Variants in OTUD7A observed in about 807,000 individuals in gnomAD.
The protein encoded by OTUD7A is OTU deubiquitinase 7A, also known as OTU domain-containing protein 7A.
Under a neutral mutation model 65.7 loss-of-function variants are expected in OTUD7A, and 12 were observed. The ratio of observed to expected loss-of-function variants is 0.18; its 90% confidence interval spans 0.12 to 0.30. The LOEUF (loss-of-function observed/expected upper bound fraction) is 0.30. Ranked by LOEUF, OTUD7A falls within the 10% of genes least tolerant of loss-of-function variation. The probability of loss-of-function intolerance (pLI) is 1.00; values close to 1 mark genes in which losing one functional copy is unlikely to be tolerated. For missense variants in OTUD7A, 1,148 were observed against 1,304.8 expected, an observed-to-expected ratio of 0.88 and a Z score of 1.85; for synonymous variants, 641 against 586.3, an observed-to-expected ratio of 1.09 and a Z score of -1.35.
At chr15:31,639,675 T>C (rs1166907784) in intron 3 of OTUD7A, among the ~76,000 whole-genome samples, 1 of 151,932 alleles carries the variant, frequency 6.6e-6, no homozygotes, top group East Asian at 1.9e-4. Flanking sequence ...TTGCTGAGAT[T>C]TGGTATGCTC....
At chr15:31,601,632 G>C (rs1595644997) in intron 3 of OTUD7A, among the ~76,000 whole-genome samples, 1 of 151,968 alleles carries the variant, frequency 6.6e-6, no homozygotes, top group Admixed American at 6.6e-5. Context: ...AGGAGATAGA[G>C]ACACAAAAAA....
chr15:31,796,040 A>G (rs915738053), intron 1 of OTUD7A, among the ~76,000 whole-genome samples: 2 of 152,146 alleles, frequency 1.3e-5, no homozygotes, highest in African/African-American at 4.8e-5. Context: ...GGAGAGATGC[A>G]CTAGAAGCAG....
intron 1 of OTUD7A, among the ~76,000 whole-genome samples, chr15:31,807,913 A>G (rs956105069): frequency 3.3e-5 from 5 of 151,970 alleles, no homozygotes; most frequent in African/African-American, 1.2e-4. Flanking sequence ...GCTGTTACCA[A>G]TATGCTGTTT....
chr15:31,589,147 GTA>G lies in OTUD7A; in HGVS notation c.152-18952_152-18951del, dbSNP rs555238092. On this transcript the variant is annotated intron_variant, in intron 3 of 12. Transcript: ENST00000307050. The stretch of plus-strand genomic sequence containing the variant: ...GATGTATGCTACAAATCCTGTGTAT[GTA>G]TACATATACATACACGCATATTACA... 1.1e-3 allele frequency among the ~76,000 whole-genome samples: 170 copies of G among 152,090 alleles called. No homozygotes were observed. In the East Asian group the frequency reaches 0.023, roughly 21 times the overall value.
At chr15:31,820,623 T>C (rs1449900326) in intron 1 of OTUD7A, among the ~76,000 whole-genome samples, 1 of 152,222 alleles carries the variant, frequency 6.6e-6, no homozygotes, top group Non-Finnish European at 1.5e-5. Flanking sequence ...CATAGAAAAC[T>C]GGCCCCACCA....
intron 3 of OTUD7A, among the ~76,000 whole-genome samples, chr15:31,636,300 A>G (rs1029044639): frequency 2.0e-5 from 3 of 152,206 alleles, no homozygotes; most frequent in African/African-American, 7.2e-5. Context: ...CATTAGGATT[A>G]TATCTGTTAT....
At chr15:31,573,035 T>A (rs1889099167) in intron 3 of OTUD7A, among the ~76,000 whole-genome samples, 1 of 152,168 alleles carries the variant, frequency 6.6e-6, no homozygotes, top group Admixed American at 6.5e-5. Context: ...AAGGGCACAC[T>A]GTATATAAGG....
chr15:31,834,085 C>T (rs1896998600), intron 1 of OTUD7A, among the ~76,000 whole-genome samples: 1 of 152,230 alleles, frequency 6.6e-6, no homozygotes. Context: ...GAGTAATATT[C>T]TTTAGCTTTT....
rs192093023 is a variant in OTUD7A at position 31,477,250 on chromosome 15, C to T, written c.*6044G>A. The T allele has an allele frequency of 2.0e-5, 3 of 152,478 alleles. No individual in the cohort carries two copies. The East Asian group carries it at 5.8e-4, about 29-fold the overall frequency. 9.4% of individuals were successfully genotyped at this position (152,478 alleles called of 1,614,324 possible). A position where few individuals can be genotyped will look rare whatever the true frequency, so the allele number is the denominator to read the frequency against. The stretch of plus-strand genomic sequence containing the variant: ...GTGGACTTTCCCTGGGCTGGGCCAT[C>T]TGCTGCCACCCGTGTTGAACTGGGA... On this transcript the variant is annotated 3_prime_UTR_variant, in exon 13 of 13. Coordinates refer to ENST00000307050, the MANE Select transcript of OTUD7A (RefSeq NM_001382637.1).
chr15:31,715,696 A>G (rs1351693684), intron 1 of OTUD7A, among the ~76,000 whole-genome samples: 1 of 115,718 alleles, frequency 8.6e-6, no homozygotes, highest in East Asian at 2.7e-4. Context: ...TACACAGTTC[A>G]GGGGATGCTG....
In OTUD7A at chr15:31,559,284, C is replaced by T. The variant is rs1386216250; in HGVS notation, c.332-97G>A. On this transcript the variant is annotated intron_variant, in intron 4 of 12. Coordinates refer to ENST00000307050, the MANE Select transcript of OTUD7A (RefSeq NM_001382637.1). ...ACATACTATGCACACACAATACACA[C>T]ACACAGGTACACATTCATGCACACA... 3.6e-6 allele frequency: 4 copies of T among 1,122,436 alleles called. No individual in the cohort carries two copies. In the South Asian group the frequency reaches 4.5e-5, roughly 13 times the overall value. 69.5% of individuals were successfully genotyped at this position (1,122,436 alleles called of 1,614,324 possible).
intron 1 of OTUD7A, among the ~76,000 whole-genome samples, chr15:31,761,533 C>G (rs989213718): frequency 6.6e-6 from 1 of 152,082 alleles, no homozygotes; most frequent in Admixed American, 6.5e-5. Flanking sequence ...TAAGTGTTGA[C>G]AAAGATGTGG....
At chr15:31,542,158 C>CA (rs1343364059) in intron 5 of OTUD7A, among the ~76,000 whole-genome samples, 1 of 151,942 alleles carries the variant, frequency 6.6e-6, no homozygotes, top group Non-Finnish European at 1.5e-5. Flanking sequence ...GCTCACAACC[C>CA]AAAACTACAA....
intron 1 of OTUD7A, among the ~76,000 whole-genome samples, chr15:31,690,516 T>C (rs868833412): frequency 3.3e-5 from 5 of 152,334 alleles, no homozygotes; most frequent in Middle Eastern, 6.8e-3. Flanking sequence ...TATGAATCTA[T>C]GGTAATCAAA....
intron 1 of OTUD7A, among the ~76,000 whole-genome samples, chr15:31,725,785 C>T (rs1297346837): frequency 6.6e-6 from 1 of 152,166 alleles, no homozygotes; most frequent in Non-Finnish European, 1.5e-5. Context: ...TCTCTTCCTC[C>T]TGCCCCTAAG....
chr15:31,788,728 G>A (rs1460213436), intron 1 of OTUD7A, among the ~76,000 whole-genome samples: 2 of 152,134 alleles, frequency 1.3e-5, no homozygotes, highest in Non-Finnish European at 2.9e-5. Flanking sequence ...AATGTGAATG[G>A]AGGAGAGAAA....
At chr15:31,751,796 G>A (rs1894643576) in intron 1 of OTUD7A, among the ~76,000 whole-genome samples, 1 of 152,158 alleles carries the variant, frequency 6.6e-6, no homozygotes, top group South Asian at 2.1e-4. Context: ...CATTATCCTA[G>A]TGCAATTAAC....
At chr15:31,590,901 T>A (rs8036502) in intron 3 of OTUD7A, among the ~76,000 whole-genome samples, 48,815 of 152,028 alleles carry the variant, frequency 0.32, 10,077 homozygotes, top group African/African-American at 0.59. Context: ...CGAGGCTCCC[T>A]GTACGTGCAG....
At chr15:31,823,913 G>A (rs1017982508) in intron 1 of OTUD7A, among the ~76,000 whole-genome samples, 5 of 152,180 alleles carry the variant, frequency 3.3e-5, no homozygotes, top group African/African-American at 1.2e-4. Flanking sequence ...GGCATAAACT[G>A]TCATATGTCA....
Sources: allele counts gnomAD v4.1 joint callset (sites outside exome capture counted in the v4.1 genomes callset), GRCh38; gene constraint gnomAD v4.1.1; transcripts MANE v1.5; gene names NCBI Gene and HGNC (gene_info 2026-07-23, HGNC 2026-07-21).